The following TBC1D5 variants were observed in gnomAD, a reference collection of about 807,000 sequenced individuals.
The protein encoded by TBC1D5 is TBC1 domain family, member 5.
A neutral mutation model predicts 100.3 loss-of-function variants in TBC1D5; 75 were observed. The ratio of observed to expected loss-of-function variants is 0.75; its 90% CI spans 0.62 to 0.91. The LOEUF (loss-of-function observed/expected upper bound fraction) is 0.91, where lower values mean the gene tolerates loss of function less well. Ranked by LOEUF, TBC1D5 falls within the 40% of genes least tolerant of loss-of-function variation. TBC1D5 has a pLI of 0.00. For missense variants in TBC1D5, 910 were observed against 942.4 expected (o/e 0.97, Z 0.45); for synonymous variants, 323 against 325.6 (o/e 0.99, Z 0.09).
chr3:17,259,776 A>C (rs186431813), intron 15 of TBC1D5, among the ~76,000 whole-genome samples: 2 of 152,312 alleles, frequency 1.3e-5, no homozygotes, highest in Admixed American at 1.3e-4. Context: ...CAAGCGAACA[A>C]GCCGCATTTA....
At chr3:17,658,816 C>G (rs1450430017) in intron 1 of TBC1D5, among the ~76,000 whole-genome samples, 1 of 152,170 alleles carries the variant, frequency 6.6e-6, no homozygotes, top group East Asian at 1.9e-4. Context: ...GCATGCACCA[C>G]TACACCCCAC....
intron 8 of TBC1D5, among the ~76,000 whole-genome samples, chr3:17,388,107 T>C (rs541805752): frequency 2.0e-5 from 3 of 152,194 alleles, no homozygotes; most frequent in East Asian, 1.9e-4. Context: ...TAGACTAAAA[T>C]AGTCTTAAAT....
chr3:17,689,084 G>C lies in TBC1D5; in HGVS notation c.-101+50259C>G, dbSNP rs190248377. 1.1e-3 allele frequency among the ~76,000 whole-genome samples: 160 copies of C among 152,114 alleles called. 2 individuals carry two copies. The South Asian group carries it at 0.018, about 18-fold the overall frequency. On this transcript the variant is annotated intron_variant, in intron 1 of 21. Coordinates refer to ENST00000253692, the Ensembl canonical transcript of TBC1D5. ...GCTTCAAAATTTTCCATATTTTCTA[G>C]AGTGATTTACTTTCCAAAATCCCCA...
chr3:17,399,331 C>G (rs1177533481), intron 8 of TBC1D5, among the ~76,000 whole-genome samples: 1 of 151,818 alleles, frequency 6.6e-6, no homozygotes, highest in Non-Finnish European at 1.5e-5. Context: ...CCCAAGAAAA[C>G]AATTAAACAA....
In TBC1D5 at chr3:17,498,610, A is replaced by C. The variant is rs571849788; in HGVS notation, c.97+9864T>G. Reference sequence around the variant, plus strand: ...ACCAAAAATGAGACATACAATTTATAATCTGCTACAATGCACTAAAGTAGA... The same window carrying C: ...ACCAAAAATGAGACATACAATTTATCATCTGCTACAATGCACTAAAGTAGA... On this transcript the variant is annotated intron_variant, in intron 3 of 21. Coordinates refer to ENST00000253692, the Ensembl canonical transcript of TBC1D5. Among the ~76,000 whole-genome samples the C allele has an allele frequency of 1.6e-4, 24 of 152,316 alleles. No homozygotes were observed. The South Asian group carries it at 5.0e-3, about 32-fold the overall frequency.
intron 2 of TBC1D5, among the ~76,000 whole-genome samples, chr3:17,539,989 C>T (rs1435426000): frequency 6.6e-6 from 1 of 152,190 alleles, no homozygotes; most frequent in African/African-American, 2.4e-5. Context: ...ATTTTTTCCA[C>T]GTCCTCACCA....
At position 17,318,391 on chromosome 3, in the gene TBC1D5, A is replaced by T. The variant is rs556717950; in HGVS notation, c.996-10257T>A. On this transcript the variant is annotated intron_variant, in intron 13 of 21. Coordinates refer to ENST00000253692, the Ensembl canonical transcript of TBC1D5. ...TTAAAGTATAATAACAATAAAATTTAAAAAAAAAGTACTACCACATTTGAT... is the reference window on the plus strand; with the variant it reads ...TTAAAGTATAATAACAATAAAATTTTAAAAAAAAGTACTACCACATTTGAT... Among the ~76,000 whole-genome samples, 218 of 151,764 alleles carry T rather than the reference A, an allele frequency of 1.4e-3. 1 individual carries two copies. Among genetic ancestry groups the T allele is most frequent in the South Asian group, 6.9e-3 (33 of 4,784 alleles).
chr3:17,291,962 A>G, exon 15 of TBC1D5: 3 of 1,614,010 alleles, frequency 1.9e-6, no homozygotes, highest in Non-Finnish European at 2.5e-6. Context: ...TGGGTAATGC[A>G]TCAGAAGGCC....
At chr3:17,722,216 T>C (rs1049253951) in intron 1 of TBC1D5, among the ~76,000 whole-genome samples, 1 of 152,224 alleles carries the variant, frequency 6.6e-6, no homozygotes, top group Non-Finnish European at 1.5e-5. Context: ...TTCAACCTCC[T>C]TGCCAGATTT....
At chr3:17,688,382 T>C (rs2070634646) in intron 1 of TBC1D5, among the ~76,000 whole-genome samples, 1 of 152,192 alleles carries the variant, frequency 6.6e-6, no homozygotes, top group African/African-American at 2.4e-5. Context: ...TATCCATACA[T>C]TTCATTAATT....
chr3:17,275,821 T>C (rs182863594), intron 15 of TBC1D5, among the ~76,000 whole-genome samples: 24 of 152,272 alleles, frequency 1.6e-4, no homozygotes, highest in African/African-American at 3.6e-4. Flanking sequence ...CCAGTAAGAC[T>C]ACCCTTACTG....
intron 13 of TBC1D5, among the ~76,000 whole-genome samples, chr3:17,342,166 A>C (rs1336379072): frequency 6.6e-6 from 1 of 152,208 alleles, no homozygotes; most frequent in Non-Finnish European, 1.5e-5. Context: ...CTATCTGCTG[A>C]GACTTATCTT....
At chr3:17,380,045 A>ATGTGTGTGTGTGTGTGTGTGTG (rs3041142) in intron 9 of TBC1D5, among the ~76,000 whole-genome samples, 23 of 112,448 alleles carry the variant, frequency 2.0e-4, no homozygotes, top group Admixed American at 7.4e-4. Flanking sequence ...GTGACTGTGT[A>ATGTGTGTGTGTGTGTGTGTGTG]TGTGTGTGTG....
intron 1 of TBC1D5, among the ~76,000 whole-genome samples, chr3:17,706,467 GTTTTAC>G (rs2074192857): frequency 1.3e-5 from 2 of 151,838 alleles, no homozygotes; most frequent in Non-Finnish European, 2.9e-5. Flanking sequence ...CTAGTGAGAT[GTTTTAC>G]TTTTAAACAT....
At chr3:17,615,364 T>C (rs12632826) in intron 2 of TBC1D5, among the ~76,000 whole-genome samples, 22,317 of 152,190 alleles carry the variant, frequency 0.15, 2,187 homozygotes, top group East Asian at 0.38. Flanking sequence ...GCTATGTCTC[T>C]GCCAGGTGTT....
intron 18 of TBC1D5, among the ~76,000 whole-genome samples, chr3:17,206,569 C>T (rs1018511656): frequency 8.5e-5 from 13 of 152,098 alleles, no homozygotes; most frequent in African/African-American, 3.1e-4. Flanking sequence ...TTTGTATGAC[C>T]ATAGTATACG....
intron 8 of TBC1D5, among the ~76,000 whole-genome samples, chr3:17,390,806 T>C (rs1202173935): frequency 6.6e-6 from 1 of 152,138 alleles, no homozygotes; most frequent in Non-Finnish European, 1.5e-5. Flanking sequence ...AACAATTTGA[T>C]ATGGAATAAA....
chr3:17,257,314 G>C (rs1217332657), intron 16 of TBC1D5, among the ~76,000 whole-genome samples: 3 of 152,196 alleles, frequency 2.0e-5, no homozygotes, highest in Non-Finnish European at 4.4e-5. Flanking sequence ...TAAGTGACTA[G>C]GGTGTAAGAC....
chr3:17,339,556 T>C (rs1438858771), intron 13 of TBC1D5, among the ~76,000 whole-genome samples: 10 of 152,248 alleles, frequency 6.6e-5, no homozygotes, highest in Admixed American at 6.5e-4. Flanking sequence ...TGACCAGTAA[T>C]AGCTGGTTAT....
Sources: allele counts gnomAD v4.1 joint callset (sites outside exome capture counted in the v4.1 genomes callset), GRCh38; gene constraint gnomAD v4.1.1; transcripts MANE v1.5; gene names NCBI Gene and HGNC (gene_info 2026-07-23, HGNC 2026-07-21).